Variants in ELMO1 observed in about 807,000 individuals in gnomAD.
ELMO1 encodes the protein engulfment and cell motility protein 1.
Under a neutral mutation model 98.9 loss-of-function variants are expected in ELMO1, and 26 were observed. The observed-to-expected ratio is 0.26, with a 90% CI of 0.19 to 0.36. The LOEUF is 0.36. Ranked by LOEUF, ELMO1 falls within the 10% of genes least tolerant of loss-of-function variation. The pLI, the probability that ELMO1 is intolerant of heterozygous loss-of-function variation, is 1.00. For synonymous variants in ELMO1, 346 were observed against 346.0 expected (o/e 1.00, Z 0.00); for missense variants, 627 against 935.2 (o/e 0.67, Z 4.30).
chr7:36,968,576 A>G (rs1165695717), intron 16 of ELMO1, among the ~76,000 whole-genome samples: 1 of 152,178 alleles, frequency 6.6e-6, no homozygotes, highest in East Asian at 1.9e-4. Flanking sequence ...TAATATTTTA[A>G]TCAGCTCTAT....
chr7:36,881,725 G>A (rs117386933), intron 18 of ELMO1, among the ~76,000 whole-genome samples: 2,931 of 152,238 alleles, frequency 0.019, 47 homozygotes, highest in Non-Finnish European at 0.029. Context: ...CTGGTAAGAA[G>A]GGCTGATTAA....
intron 1 of ELMO1, among the ~76,000 whole-genome samples, chr7:37,402,983 A>C (rs1803598157): frequency 6.6e-6 from 1 of 152,248 alleles, no homozygotes; most frequent in South Asian, 2.1e-4. Context: ...TGTCCATACA[A>C]AAACCTGCAC....
chr7:37,086,224 G>T (rs138730152), intron 15 of ELMO1, among the ~76,000 whole-genome samples: 296 of 152,198 alleles, frequency 1.9e-3, no homozygotes, highest in Non-Finnish European at 3.2e-3. Context: ...ACAAGAGGCC[G>T]GAGTTAGAAC....
chr7:37,422,495 T>C (rs942888953), intron 1 of ELMO1, among the ~76,000 whole-genome samples: 1 of 152,246 alleles, frequency 6.6e-6, no homozygotes, highest in Non-Finnish European at 1.5e-5. Context: ...GTGGTTTTCC[T>C]GCTTCTCTTA....
intron 14 of ELMO1, among the ~76,000 whole-genome samples, chr7:37,130,574 A>G (rs1382568583): frequency 6.6e-6 from 1 of 152,224 alleles, no homozygotes; most frequent in African/African-American, 2.4e-5. Context: ...GCATTTGGCA[A>G]TACAGCTTCC....
At chr7:37,377,529 TGGTA>T (rs963624675) in intron 1 of ELMO1, among the ~76,000 whole-genome samples, 1 of 152,132 alleles carries the variant, frequency 6.6e-6, no homozygotes. Flanking sequence ...CAACGCTCTC[TGGTA>T]GACAGAGCAG....
intron 2 of ELMO1, among the ~76,000 whole-genome samples, chr7:37,332,837 T>C (rs1371883335): frequency 6.6e-6 from 1 of 152,172 alleles, no homozygotes; most frequent in Non-Finnish European, 1.5e-5. Context: ...TGCAGAATGT[T>C]AGGCCTAGGG....
intron 1 of ELMO1, among the ~76,000 whole-genome samples, chr7:37,348,468 T>C (rs1210113811): frequency 6.6e-6 from 1 of 152,096 alleles, no homozygotes; most frequent in Non-Finnish European, 1.5e-5. Flanking sequence ...TCCAAAAATA[T>C]GGGAATTGTT....
intron 16 of ELMO1, among the ~76,000 whole-genome samples, chr7:36,935,028 T>C (rs1484870631): frequency 6.6e-6 from 1 of 152,198 alleles, no homozygotes; most frequent in Non-Finnish European, 1.5e-5. Context: ...TGTTTGGGTA[T>C]TGCCTTTGAT....
chr7:37,123,465 A>G (rs1345534740), intron 14 of ELMO1, among the ~76,000 whole-genome samples: 26 of 152,364 alleles, frequency 1.7e-4, no homozygotes, highest in East Asian at 3.9e-4. Context: ...ATCACCACCA[A>G]TCCCACAGAA....
At chr7:37,040,931 T>C (rs1271833308) in intron 15 of ELMO1, among the ~76,000 whole-genome samples, 13 of 151,370 alleles carry the variant, frequency 8.6e-5, no homozygotes, top group Non-Finnish European at 4.4e-5. Context: ...ACAAAAAAAA[T>C]CAGCTGGGCG....
At chr7:37,395,094 G>A (rs191684021) in intron 1 of ELMO1, among the ~76,000 whole-genome samples, 20 of 152,184 alleles carry the variant, frequency 1.3e-4, no homozygotes, top group South Asian at 6.2e-4. Flanking sequence ...GGCTGGGTGC[G>A]GTGGCTCATG....
chr7:37,095,772 G>A (rs538802393), intron 15 of ELMO1, among the ~76,000 whole-genome samples: 2 of 152,094 alleles, frequency 1.3e-5, no homozygotes, highest in South Asian at 4.1e-4. Context: ...TTAAGCTCTC[G>A]AGCAGGCAAC....
chr7:36,874,954 G>C (rs1425969274), intron 19 of ELMO1, among the ~76,000 whole-genome samples: 2 of 152,208 alleles, frequency 1.3e-5, no homozygotes, highest in African/African-American at 4.8e-5. Context: ...CAATCCTCAT[G>C]TGCACTATCT....
intron 15 of ELMO1, among the ~76,000 whole-genome samples, chr7:37,075,436 TGAGCC>T (rs942536945): frequency 4.6e-5 from 7 of 151,986 alleles, no homozygotes; most frequent in African/African-American, 7.3e-5. Flanking sequence ...GTTACAGGCG[TGAGCC>T]ACCACGCCCG....
chr7:37,091,129 CAG>C (rs1227077180), intron 15 of ELMO1, among the ~76,000 whole-genome samples: 2 of 152,088 alleles, frequency 1.3e-5, no homozygotes, highest in African/African-American at 4.8e-5. Flanking sequence ...TTTTTTGAGG[CAG>C]AGTTTCATTC....
intron 16 of ELMO1, among the ~76,000 whole-genome samples, chr7:36,975,845 GAAA>G (rs200193324): frequency 2.2e-3 from 230 of 103,796 alleles, no homozygotes; most frequent in African/African-American, 7.6e-3. Flanking sequence ...ACACTTGCCT[GAAA>G]AAAAAAAAAA....
intron 6 of ELMO1, among the ~76,000 whole-genome samples, 182 bp downstream of exon 6, chr7:37,258,999 G>A (rs1584884114): frequency 6.6e-6 from 1 of 151,548 alleles, no homozygotes; most frequent in African/African-American, 2.4e-5. Context: ...GTGGGCAAAG[G>A]ATGGAGAACT....
chr7:37,401,590 G>T (rs1273988076), intron 1 of ELMO1, among the ~76,000 whole-genome samples: 2 of 152,156 alleles, frequency 1.3e-5, no homozygotes, highest in African/African-American at 4.8e-5. Context: ...CATGGCAGAA[G>T]GGGAAGCAAA....
Sources: allele counts gnomAD v4.1 joint callset (sites outside exome capture counted in the v4.1 genomes callset), GRCh38; gene constraint gnomAD v4.1.1; transcripts MANE v1.5; gene names NCBI Gene and HGNC (gene_info 2026-07-23, HGNC 2026-07-21).